The following CNOT9 variants were observed in gnomAD, a reference collection of about 807,000 sequenced individuals.
The protein encoded by CNOT9 is CCR4-NOT transcription complex subunit 9.
CNOT9 carries 8 observed loss-of-function variants against 37.4 expected under a neutral mutation model. The observed-to-expected ratio is 0.21, with a 90% confidence interval of 0.13 to 0.39. The LOEUF is 0.39. Among genes scored for constraint, CNOT9 ranks in the 10% least tolerant of loss-of-function variants. CNOT9 has a pLI of 1.00. For missense variants in CNOT9, 154 were observed against 365.3 expected (o/e 0.42, Z 4.71); for synonymous variants, 120 against 137.6 (o/e 0.87, Z 0.90).
At chr2:218,575,117 C>T (rs2106080510) in intron 1 of CNOT9, among the ~76,000 whole-genome samples, 1 of 152,222 alleles carries the variant, frequency 6.6e-6, no homozygotes, top group South Asian at 2.1e-4. Context: ...TATCCTAGGT[C>T]ACACAATTCT....
In CNOT9 at chr2:218,596,341, A is replaced by G. The variant is rs1441259688; in HGVS notation, c.*2065A>G. 3 of 152,188 alleles carry G rather than the reference A, an allele frequency of 2.0e-5. No individual in the cohort carries two copies. The highest frequency in any genetic ancestry group is 4.4e-5 in the Non-Finnish European group (3 of 68,042). 9.4% of individuals were successfully genotyped at this position (152,188 alleles called of 1,614,324 possible). A position where few individuals can be genotyped will look rare whatever the true frequency, so the allele number is the denominator to read the frequency against. Reference sequence around the variant, plus strand: ...TGTAGTTGATCCTGGTGTGTGTATTATATAAAGAGACCCCTCCCCTTATTT... The same window carrying G: ...TGTAGTTGATCCTGGTGTGTGTATTGTATAAAGAGACCCCTCCCCTTATTT... On this transcript the variant is annotated 3_prime_UTR_variant, in exon 8 of 8. Coordinates refer to ENST00000273064, the MANE Select transcript of CNOT9 (RefSeq NM_005444.3).
At chr2:218,586,095 T>C (rs1030892587) in intron 4 of CNOT9, among the ~76,000 whole-genome samples, 1 of 152,246 alleles carries the variant, frequency 6.6e-6, no homozygotes, top group Non-Finnish European at 1.5e-5. Flanking sequence ...TTGATTGGTG[T>C]ATCAATGATT....
At chr2:218,586,439 A>G (rs548128640) in intron 4 of CNOT9, among the ~76,000 whole-genome samples, 1 of 151,882 alleles carries the variant, frequency 6.6e-6, no homozygotes, top group African/African-American at 2.4e-5. Context: ...AGCCAGGAAG[A>G]GAGACTTTAC....
chr2:218,590,075 GTTT>G (rs1478940527), intron 5 of CNOT9, among the ~76,000 whole-genome samples: 4 of 151,186 alleles, frequency 2.6e-5, no homozygotes, highest in African/African-American at 4.8e-5. Context: ...TGTTGTTGTT[GTTT>G]TTTGTTTTTG....
At chr2:218,572,873 G>C (rs523937) in intron 1 of CNOT9, among the ~76,000 whole-genome samples, 100,819 of 152,056 alleles carry the variant, frequency 0.66, 33,880 homozygotes, top group East Asian at 0.9. Context: ...GTCATGGACT[G>C]CCAGATGCCT....
At chr2:218,571,529 G>A (rs1049537358) in intron 1 of CNOT9, among the ~76,000 whole-genome samples, 1 of 151,870 alleles carries the variant, frequency 6.6e-6, no homozygotes, top group African/African-American at 2.4e-5. Context: ...TGACTCTTGA[G>A]TAGTCGTATG....
rs1574999361 is a variant in CNOT9, at chr2:218,592,972, T to A, written c.731+265T>A. 4.4e-6 allele frequency: 2 copies of A among 453,348 alleles called. No homozygotes were observed. The highest frequency in any genetic ancestry group is 8.7e-5 in the East Asian group (2 of 22,978). The allele number at this position is 453,348 out of a possible 1,614,324, so 28.1% of individuals were successfully genotyped here. On this transcript the variant is annotated intron_variant, in intron 7 of 7. Coordinates refer to ENST00000273064, the MANE Select transcript of CNOT9 (RefSeq NM_005444.3). This position sits in a 1 kb window ranked among gnomAD's most constrained non-coding sequence, Gnocchi z 4.1. Reference sequence around the variant, plus strand: ...ATTCCAAAGGAAACCTTATGATGCATTACTCCTGTTGTTTGAATTTTCTGT... The same window carrying A: ...ATTCCAAAGGAAACCTTATGATGCAATACTCCTGTTGTTTGAATTTTCTGT...
chr2:218,582,255 A>G (rs999980443), intron 2 of CNOT9, among the ~76,000 whole-genome samples: 15 of 152,200 alleles, frequency 9.9e-5, no homozygotes, highest in African/African-American at 3.4e-4. Context: ...GGTTGACTTA[A>G]CACTTTCTGG....
chr2:218,593,873 G>A, intron 7 of CNOT9: 1 of 1,174,142 alleles, frequency 8.5e-7, no homozygotes, highest in Non-Finnish European at 1.1e-6. Flanking sequence ...TTTTAATTTT[G>A]CTTTTTCATG....
intron 1 of CNOT9, among the ~76,000 whole-genome samples, chr2:218,574,600 G>A (rs1694106836): frequency 6.6e-6 from 1 of 152,140 alleles, no homozygotes; most frequent in Non-Finnish European, 1.5e-5. Context: ...CTGTACACTG[G>A]CTGTGTGACC....
At chr2:218,587,720 A>G in intron 5 of CNOT9, 25 bp downstream of exon 5, 1 of 1,378,008 alleles carries the variant, frequency 7.3e-7, no homozygotes, top group Non-Finnish European at 1.0e-6. Flanking sequence ...CTTAGATTTT[A>G]CATTGTGTTG....
chr2:218,576,882 G>A (rs968679617), intron 1 of CNOT9, among the ~76,000 whole-genome samples: 6 of 151,496 alleles, frequency 4.0e-5, no homozygotes, highest in Non-Finnish European at 2.9e-5. Flanking sequence ...CAGAAGAACC[G>A]CTTGAACCTG....
intron 7 of CNOT9, chr2:218,593,805 A>AT: frequency 8.2e-7 from 1 of 1,220,050 alleles, no homozygotes; most frequent in Non-Finnish European, 1.1e-6. Context: ...TAACATGAGT[A>AT]TTTTGACAGT....
At position 218,592,474 on chromosome 2, in the gene CNOT9, G is replaced by T. The variant is rs189879722; in HGVS notation, c.639+72G>T. On this transcript the variant is annotated intron_variant, in intron 6 of 7. Coordinates refer to ENST00000273064, the MANE Select transcript of CNOT9 (RefSeq NM_005444.3). This position sits in a 1 kb window ranked among gnomAD's most constrained non-coding sequence, Gnocchi z 4.1. The stretch of plus-strand genomic sequence containing the variant: ...GCTTAATCTCTTTATAACTGGCATT[G>T]AACAACTTCAGTCCTCTGACTAGAA... 2.0e-6 allele frequency: 3 copies of T among 1,485,804 alleles called. No individual in the cohort carries two copies. Among genetic ancestry groups the T allele is most frequent in the Non-Finnish European group, 2.8e-6 (3 of 1,063,740 alleles). 92.0% of individuals were successfully genotyped at this position (1,485,804 alleles called of 1,614,324 possible). A position where few individuals can be genotyped will look rare whatever the true frequency, so the allele number is the denominator to read the frequency against.
At chr2:218,583,225 GTGTGTGTGTCTCTC>G (rs1207510532) in intron 3 of CNOT9, 139 bp downstream of exon 3, 125 of 322,730 alleles carry the variant, frequency 3.9e-4, no homozygotes, top group African/African-American at 3.5e-3. Context: ...GTGTGTGTGT[GTGTGTGTGTCTCTC>G]TCTCTCTCTC....
intron 5 of CNOT9, among the ~76,000 whole-genome samples, chr2:218,590,797 CTT>C (rs1407849417): frequency 6.6e-6 from 1 of 150,700 alleles, no homozygotes; most frequent in Non-Finnish European, 1.5e-5. Context: ...CTACATCTCT[CTT>C]GTTGTTGTTG....
At chr2:218,573,318 T>TAAAAAAA (rs34596336) in intron 1 of CNOT9, among the ~76,000 whole-genome samples, 1 of 132,848 alleles carries the variant, frequency 7.5e-6, no homozygotes, top group African/African-American at 2.7e-5. Context: ...AACTCCATCT[T>TAAAAAAA]AAAAAAAAAA....
chr2:218,586,614 G>A (rs184727913), intron 4 of CNOT9, among the ~76,000 whole-genome samples: 20 of 151,600 alleles, frequency 1.3e-4, no homozygotes, highest in South Asian at 4.2e-4. Flanking sequence ...TCAGCATCCC[G>A]AGTAGCTGGG....
intron 2 of CNOT9, among the ~76,000 whole-genome samples, chr2:218,582,664 C>T (rs908856515): frequency 1.3e-5 from 2 of 151,020 alleles, no homozygotes; most frequent in Admixed American, 1.3e-4. Flanking sequence ...CACTCCAGCC[C>T]GGGTAACAGA....
Sources: allele counts gnomAD v4.1 joint callset (sites outside exome capture counted in the v4.1 genomes callset), GRCh38; gene constraint gnomAD v4.1.1; non-coding constraint Gnocchi (gnomAD v3.1); transcripts MANE v1.5; gene names NCBI Gene and HGNC (gene_info 2026-07-23, HGNC 2026-07-21).